ZNF415: variants seen among roughly 807,000 people sequenced by gnomAD.
The protein encoded by ZNF415 is zinc finger protein 415.
Under a neutral mutation model 7.3 loss-of-function variants are expected in ZNF415, and 5 were observed. That is an observed-to-expected ratio of 0.69 (90% CI 0.36 to 1.44). ZNF415 has a LOEUF of 1.44. Ranked by LOEUF, ZNF415 falls within the 40% of genes most tolerant of loss-of-function variation. The pLI is 0.04. For missense variants in ZNF415, 628 were observed against 664.8 expected (o/e 0.94, Z 0.61); for synonymous variants, 207 against 226.3 (o/e 0.91, Z 0.77).
intron 1 of ZNF415, among the ~76,000 whole-genome samples, chr19:53,125,205 G>A (rs1163454006): frequency 2.0e-5 from 3 of 151,906 alleles, no homozygotes; most frequent in South Asian, 4.2e-4. Context: ...CACCATGCCC[G>A]GCTAATTTCT....
chr19:53,123,363 A>C, intron 1 of ZNF415: 24 of 379,262 alleles, frequency 6.3e-5, no homozygotes, highest in East Asian at 7.6e-5. Flanking sequence ...AATCAAGAGA[A>C]GCATGCAGAG....
Position 53,109,457 on chromosome 19 carries a change from A to C in ZNF415, c.588T>G (p.Asp196Glu). Residue 196 changes from aspartate to glutamate, a missense_variant, in exon 4 of 4, where the codon GAT (aspartate) becomes GAG (glutamate). Asp to Glu is a conservative substitution (Grantham distance 45, BLOSUM62 2). Coordinates refer to ENST00000243643, the MANE Select transcript of ZNF415 (RefSeq NM_018355.4). ...GTGTGAGTAATGAAGAACAGATGAAATCAGTCCCATATTTATTAGAAACAT... is the reference window on the plus strand; with the variant it reads ...GTGTGAGTAATGAAGAACAGATGAACTCAGTCCCATATTTATTAGAAACAT... ...KTHVSNKYGT[D>E]FICSSLLTQE... The C allele has an allele frequency of 6.2e-7, 1 of 1,614,160 alleles. No individual in the cohort carries two copies. Among genetic ancestry groups the C allele is most frequent in the Non-Finnish European group, 8.5e-7 (1 of 1,180,010 alleles).
At chr19:53,130,319 A>C (rs2089897266) in intron 1 of ZNF415, among the ~76,000 whole-genome samples, 1 of 152,176 alleles carries the variant, frequency 6.6e-6, no homozygotes, top group Non-Finnish European at 1.5e-5. Context: ...CCTACTAGTC[A>C]ACAAATAATG....
intron 3 of ZNF415, among the ~76,000 whole-genome samples, chr19:53,111,336 A>AT (rs2086201672): frequency 2.2e-5 from 2 of 90,890 alleles, no homozygotes; most frequent in African/African-American, 3.7e-5. Flanking sequence ...AGCCTATGAT[A>AT]TTTCTTTTTT....
At chr19:53,122,536 G>T in intron 2 of ZNF415, 126 bp downstream of exon 2, 2 of 1,600,102 alleles carry the variant, frequency 1.2e-6, no homozygotes, top group Non-Finnish European at 1.7e-6. Flanking sequence ...GAAGGCACGG[G>T]TCAATGTGAG....
Position 53,109,099 on chromosome 19 carries a change from C to A in ZNF415, c.946G>T (p.Ala316Ser). Residue 316 changes from alanine (A) to serine (S), a missense_variant, in exon 4 of 4, where the codon GCA becomes TCA. Transcript: ENST00000243643. Reference sequence around the variant, plus strand: ...CCAATATGAGTTTTCTGATGTAGTGCAAGGCATGAATTTCGACTGAAGACC... The same window carrying A: ...CCAATATGAGTTTTCTGATGTAGTGAAAGGCATGAATTTCGACTGAAGACC... ...DKVFSRNSCL[A>S]LHQKTHIGEK... 6.2e-7 allele frequency: 1 copy of A among 1,613,884 alleles called. No individual in the cohort carries two copies. Among genetic ancestry groups the A allele is most frequent in the Non-Finnish European group, 8.5e-7 (1 of 1,179,996 alleles).
chr19:53,122,716 A>G lies in ZNF415; in HGVS notation c.-40T>C, dbSNP rs12462749. 7,460 of 1,613,904 alleles carry G rather than the reference A, an allele frequency of 4.6e-3. 296 individuals are homozygous for G. In the African/African-American group the frequency reaches 0.086, roughly 19 times the overall value. On this transcript the variant is annotated 5_prime_UTR_variant, in exon 2 of 4. It removes an upstream start codon present in the reference 5' UTR. Transcript: ENST00000243643. ...CTCTCCTCTTCTGGGTTTCTTCCTC[A>G]TGTGCCAGGAGTCTTTGGAAGTCAA...
chr19:53,109,713 G>C lies in ZNF415; in HGVS notation c.332C>G (p.Thr111Ser). The change falls in exon 4 of 4, where the codon ACT becomes AGT. Residue 111 changes from threonine (T) to serine (S), a missense_variant. Transcript: ENST00000243643. ...RDDERNCNKV[T>S]TAPKENLTCR... is the part of the protein sequence containing the mutation. ...AGTAAGATTTTCTTTTGGGGCCGTA[G>C]TCACTTTGTTGCAATTTCTTTCATC... 1.2e-6 allele frequency: 2 copies of C among 1,613,952 alleles called. No homozygotes were observed. Among genetic ancestry groups the C allele is most frequent in the South Asian group, 2.2e-5 (2 of 91,036 alleles).
chr19:53,130,604 G>T (rs949473821), intron 1 of ZNF415, among the ~76,000 whole-genome samples: 1 of 151,672 alleles, frequency 6.6e-6, no homozygotes, highest in Non-Finnish European at 1.5e-5. Flanking sequence ...AGATGAAAGG[G>T]AATTAGTAAG....
chr19:53,119,814 T>A (rs2087692121), intron 2 of ZNF415, among the ~76,000 whole-genome samples: 1 of 151,954 alleles, frequency 6.6e-6, no homozygotes, highest in Admixed American at 6.6e-5. Flanking sequence ...AGGAAATGGA[T>A]AAAATCCTGG....
Position 53,132,259 on chromosome 19 carries a change from C to T in ZNF415, c.-68+597G>A, listed in dbSNP as rs991405356. 3.3e-5 allele frequency among the ~76,000 whole-genome samples: 5 copies of T among 152,320 alleles called. No homozygotes were observed. In the East Asian group the frequency reaches 9.7e-4, roughly 29 times the overall value. On this transcript the variant is annotated intron_variant, in intron 1 of 3. Coordinates refer to ENST00000243643, the MANE Select transcript of ZNF415 (RefSeq NM_018355.4). ...TCGATCCCTTTGGCCCACACATTCACAGGACGGTTTGGGGTAAGACGCCTG... is the reference window on the plus strand; with the variant it reads ...TCGATCCCTTTGGCCCACACATTCATAGGACGGTTTGGGGTAAGACGCCTG...
chr19:53,124,011 G>C (rs970746697), intron 1 of ZNF415: 1 of 153,022 alleles, frequency 6.5e-6, no homozygotes, highest in African/African-American at 2.4e-5. Flanking sequence ...GCCGAGGCAG[G>C]TGGATCACCT....
At chr19:53,112,349 C>T (rs1400776785) in intron 3 of ZNF415, among the ~76,000 whole-genome samples, 1 of 152,064 alleles carries the variant, frequency 6.6e-6, no homozygotes, top group Non-Finnish European at 1.5e-5. Flanking sequence ...TGCACCCAGG[C>T]GAGGAGCATA....
At chr19:53,119,439 C>T (rs572784939) in intron 2 of ZNF415, among the ~76,000 whole-genome samples, 1,689 of 67,194 alleles carry the variant, frequency 0.025, 32 homozygotes, top group African/African-American at 0.084. Context: ...AGCAAGACTC[C>T]ATCTCAAAAA....
chr19:53,129,515 A>G, intron 1 of ZNF415: 1 of 404,048 alleles, frequency 2.5e-6, no homozygotes, highest in East Asian at 3.6e-5. Context: ...CCCCCCACAT[A>G]CAACTGCCAA....
intron 1 of ZNF415, among the ~76,000 whole-genome samples, chr19:53,131,921 C>T (rs183956346): frequency 7.9e-5 from 12 of 152,040 alleles, no homozygotes; most frequent in African/African-American, 2.9e-4. Flanking sequence ...TCATCGGCTG[C>T]CCCCTCTTGC....
In ZNF415 at chr19:53,125,434, A is replaced by G. The variant is rs1244415573; in HGVS notation, c.-67-2691T>C. Among the ~76,000 whole-genome samples, 4 of 151,436 alleles carry G rather than the reference A, an allele frequency of 2.6e-5. No homozygotes were observed. In the East Asian group the frequency reaches 7.8e-4, roughly 29 times the overall value. ...AGTGCAGCCTCGGCTTCCTGTGCTG[A>G]AGCAATCCTCCCACCTCAGCCTCTC... On this transcript the variant is annotated intron_variant, in intron 1 of 3. Coordinates refer to ENST00000243643, the MANE Select transcript of ZNF415 (RefSeq NM_018355.4).
In ZNF415 at chr19:53,109,438, G is replaced by A; in HGVS notation, c.607C>T (p.Leu203Phe). The A allele has an allele frequency of 6.2e-7, 1 of 1,614,064 alleles. No homozygotes were observed. Among genetic ancestry groups the A allele is most frequent in the Non-Finnish European group, 8.5e-7 (1 of 1,179,968 alleles). ...YGTDFICSSLLTQEQKSCIRE... is the reference protein window; with the variant it reads ...YGTDFICSSLFTQEQKSCIRE... ...ATGCATGATTTCTGTTCTTGTGTGA[G>A]TAATGAAGAACAGATGAAATCAGTC... The change falls in exon 4 of 4, where the codon CTC (leucine) becomes TTC (phenylalanine). Residue 203 changes from leucine to phenylalanine, a missense_variant. By Grantham distance (22) the Leu-to-Phe change is conservative. Transcript: ENST00000243643.
At chr19:53,127,785 G>C (rs1363332587) in intron 1 of ZNF415, among the ~76,000 whole-genome samples, 1 of 150,486 alleles carries the variant, frequency 6.6e-6, no homozygotes, top group Non-Finnish European at 1.5e-5. Context: ...GCTGAGGCAC[G>C]CGAATCGCTT....
Sources: gnomAD v4.1 joint callset for allele counts (sites outside exome capture counted in the v4.1 genomes callset) on GRCh38, gnomAD v4.1.1 for gene constraint, MANE v1.5 for transcripts, NCBI Gene and HGNC (gene_info 2026-07-23, HGNC 2026-07-21) for gene names.